The following AKR1C2 variants were observed in gnomAD, a reference collection of about 807,000 sequenced individuals.
AKR1C2 encodes the protein aldo-keto reductase family 1 member C2.
In AKR1C2, 27 loss-of-function variants were observed where a neutral mutation model predicts 39.8. That is an observed-to-expected ratio of 0.68 (90% confidence interval 0.50 to 0.93). The LOEUF is 0.93. Among genes scored for constraint, AKR1C2 ranks in the 40% least tolerant of loss-of-function variants. The pLI is 0.00. For missense variants in AKR1C2, 263 were observed against 365.1 expected (o/e 0.72, Z 2.28); for synonymous variants, 114 against 137.9 (o/e 0.83, Z 1.22).
chr10:5,000,311 T>C, intron 3 of AKR1C2: 1 of 1,494,758 alleles, frequency 6.7e-7, no homozygotes, highest in Non-Finnish European at 8.9e-7. Context: ...CCTCAAGTTT[T>C]TGAGGCAGAG....
chr10:4,992,568 TAAG>T (rs763976936), intron 7 of AKR1C2, among the ~76,000 whole-genome samples: 4 of 152,050 alleles, frequency 2.6e-5, no homozygotes, highest in African/African-American at 7.2e-5. Flanking sequence ...TGAATGTAGG[TAAG>T]AAGATTTGTT....
At position 5,001,638 on chromosome 10, in the gene AKR1C2, T is replaced by A; in HGVS notation, c.128A>T (p.Glu43Val). ...AGAATCAATATGGTGGAACCCGGCT[T>A]CTATTGCCAATTTGACGGCCTCTAG... is the stretch of plus-strand genomic sequence containing the variant. ...KALEAVKLAI[E>V]AGFHHIDSAH... Residue 43 changes from glutamate (E) to valine (V), a missense_variant, in exon 2 of 9, where the codon GAA becomes GTA. By Grantham distance (121) the Glu-to-Val change is moderately radical (BLOSUM62 -2). Around this residue, in one of 3 missense-constraint regions of AKR1C2, gnomAD observed 247 missense variants for 267.9 expected, o/e 0.92. Transcript: ENST00000380753. 1 of 1,613,998 alleles carries A rather than the reference T, an allele frequency of 6.2e-7. No individual in the cohort carries two copies. The highest frequency in any genetic ancestry group is 8.5e-7 in the Non-Finnish European group (1 of 1,179,856).
intron 1 of AKR1C2, among the ~76,000 whole-genome samples, chr10:5,009,720 C>A (rs1223057108): frequency 6.6e-6 from 1 of 152,126 alleles, no homozygotes; most frequent in African/African-American, 2.4e-5. Context: ...CTCCATTCTG[C>A]CCTTATATAA....
chr10:4,990,899 C>A (rs1836818291), intron 8 of AKR1C2, among the ~76,000 whole-genome samples: 1 of 151,254 alleles, frequency 6.6e-6, no homozygotes, highest in South Asian at 2.1e-4. Context: ...GTATTTTCTG[C>A]TAAGTGGATA....
Position 5,000,606 on chromosome 10 carries a change from T to A in AKR1C2, c.313A>T (p.Asn105Tyr), listed in dbSNP as rs1837233970. ...VRPALERSLKNLQLDYVDLYL... is the reference protein window; with the variant it reads ...VRPALERSLKYLQLDYVDLYL... ...AGGTCAACATAGTCCAATTGAAGAT[T>A]TTTCAGTGACCTTTCCAAGGCTGGT... The change falls in exon 3 of 9, where the codon AAT becomes TAT. Residue 105 changes from asparagine to tyrosine, a missense_variant. Physicochemically the swap from Asn to Tyr is moderately radical, Grantham distance 143. Transcript: ENST00000380753. 2 of 1,613,902 alleles carry A rather than the reference T, an allele frequency of 1.2e-6. No homozygotes were observed. The highest frequency in any genetic ancestry group is 2.7e-5 in the African/African-American group (2 of 74,912).
chr10:4,997,260 C>T (rs1554773200), intron 5 of AKR1C2: 6 of 152,118 alleles, frequency 3.9e-5, no homozygotes, highest in Non-Finnish European at 8.8e-5. Context: ...CTGGGAAAAA[C>T]AAGTTAACTG....
intron 1 of AKR1C2, among the ~76,000 whole-genome samples, chr10:5,011,808 T>G (rs1317700438): frequency 6.6e-6 from 1 of 152,182 alleles, no homozygotes; most frequent in African/African-American, 2.4e-5. Flanking sequence ...GAACAAGAAC[T>G]TGATGAACTG....
chr10:5,017,132 C>G (rs1322153912), intron 1 of AKR1C2, among the ~76,000 whole-genome samples: 1 of 152,198 alleles, frequency 6.6e-6, no homozygotes, highest in East Asian at 1.9e-4. Context: ...TCTGAAATAC[C>G]TTGGAGGCAT....
intron 1 of AKR1C2, among the ~76,000 whole-genome samples, chr10:5,014,193 C>T (rs59743555): frequency 0.83 from 122,867 of 147,556 alleles, 51,173 homozygotes; most frequent in African/African-American, 0.91. Flanking sequence ...GCTTCAAAAA[C>T]ATGTTTTAGT....
intron 1 of AKR1C2, among the ~76,000 whole-genome samples, chr10:5,002,099 A>G (rs7896657): frequency 0.15 from 23,563 of 152,280 alleles, 1,984 homozygotes; most frequent in East Asian, 0.3. Flanking sequence ...ACCATGTTGC[A>G]CAGAGCGCAC....
upstream of AKR1C2, among the ~76,000 whole-genome samples, chr10:5,005,153 C>T (rs185493253): frequency 5.3e-4 from 81 of 151,980 alleles, no homozygotes; most frequent in African/African-American, 1.7e-3. Context: ...TGCAAAATTT[C>T]ATAATAGTAA....
chr10:5,006,252 C>T (rs191495684), upstream of AKR1C2, among the ~76,000 whole-genome samples: 3 of 152,292 alleles, frequency 2.0e-5, no homozygotes, highest in African/African-American at 7.2e-5. Flanking sequence ...ATTCAAGTAA[C>T]TTAAAGAACT....
chr10:4,990,507 TTACTACCTGCCTATCA>T (rs1205127426), intron 8 of AKR1C2, among the ~76,000 whole-genome samples: 6 of 152,212 alleles, frequency 3.9e-5, no homozygotes, highest in Non-Finnish European at 7.3e-5. Flanking sequence ...TACATATTAC[TTACTACCTGCCTATCA>T]TACGCAACAC....
At chr10:5,002,497 T>C (rs1837303642) in intron 1 of AKR1C2, among the ~76,000 whole-genome samples, 1 of 152,210 alleles carries the variant, frequency 6.6e-6, no homozygotes, top group African/African-American at 2.4e-5. Context: ...TCTAAGGATA[T>C]TGATTTGTGT....
chr10:4,996,873 GGAAATAACAAATAA>G (rs1383821327), intron 5 of AKR1C2, among the ~76,000 whole-genome samples: 5 of 151,772 alleles, frequency 3.3e-5, no homozygotes, highest in African/African-American at 4.8e-5. Flanking sequence ...AAAACCCCAA[GGAAATAACAAATAA>G]GAAATAACAA....
At chr10:5,017,282 T>C (rs1483942468) in intron 1 of AKR1C2, among the ~76,000 whole-genome samples, 5 of 152,238 alleles carry the variant, frequency 3.3e-5, no homozygotes, top group Non-Finnish European at 5.9e-5. Flanking sequence ...AACATTTATC[T>C]TCTGCTTCCC....
upstream of AKR1C2, among the ~76,000 whole-genome samples, chr10:5,005,214 G>A (rs115039251): frequency 6.6e-6 from 1 of 152,258 alleles, no homozygotes; most frequent in African/African-American, 2.4e-5. Context: ...GGCAAACACA[G>A]TCCACATAGG....
In AKR1C2 at chr10:4,988,229, A is replaced by G. The variant is rs1268592965; in HGVS notation, c.*1767T>C. On this transcript the variant is annotated 3_prime_UTR_variant, in exon 9 of 9. Coordinates refer to ENST00000380753, the MANE Select transcript of AKR1C2 (RefSeq NM_001393392.1). Reference sequence around the variant, plus strand: ...ATGTCAATCTTTTCTTGACACTTACATCAGTCAAGTTTATGAGATGTGAAA... The same window carrying G: ...ATGTCAATCTTTTCTTGACACTTACGTCAGTCAAGTTTATGAGATGTGAAA... 3 of 152,214 alleles carry G rather than the reference A, an allele frequency of 2.0e-5. No homozygotes were observed. Among genetic ancestry groups the G allele is most frequent in the African/African-American group, 4.8e-5 (2 of 41,454 alleles). The allele number at this position is 152,214 out of a possible 1,614,324, so 9.4% of individuals were successfully genotyped here.
chr10:4,991,552 C>T (rs1297842121), intron 8 of AKR1C2, among the ~76,000 whole-genome samples: 1 of 152,118 alleles, frequency 6.6e-6, no homozygotes, highest in Non-Finnish European at 1.5e-5. Flanking sequence ...GGCAGGCCTA[C>T]ATGGAAGGTG....
Sources: gnomAD v4.1 joint callset for allele counts (sites outside exome capture counted in the v4.1 genomes callset) on GRCh38, gnomAD v4.1.1 for gene constraint, gnomAD v4.1.1 regional missense constraint, MANE v1.5 for transcripts, NCBI Gene and HGNC (gene_info 2026-07-23, HGNC 2026-07-21) for gene names.